GRM8: variants seen among roughly 807,000 people sequenced by gnomAD.
GRM8 encodes glutamate metabotropic receptor 8.
In GRM8, 47 loss-of-function variants were observed where a neutral mutation model predicts 87.2. That is an observed-to-expected ratio of 0.54 (90% CI 0.43 to 0.69). GRM8 has a LOEUF of 0.69. Among genes scored for constraint, GRM8 ranks in the 30% least tolerant of loss-of-function variants. The probability of loss-of-function intolerance (pLI) is 0.00; values close to 1 mark genes in which losing one functional copy is unlikely to be tolerated. For missense variants in GRM8, 1,019 were observed against 1,139.2 expected, an observed-to-expected ratio of 0.89 and a Z score of 1.52; for synonymous variants, 396 against 404.5, an observed-to-expected ratio of 0.98 and a Z score of 0.25.
intron 6 of GRM8, among the ~76,000 whole-genome samples, chr7:126,824,794 T>G (rs1794611197): frequency 6.6e-6 from 1 of 152,234 alleles, no homozygotes; most frequent in Admixed American, 6.5e-5. Context: ...GACTAATAAA[T>G]TTTTTGGAAT....
chr7:127,149,546 C>T (rs1828733733), intron 2 of GRM8, among the ~76,000 whole-genome samples: 1 of 152,074 alleles, frequency 6.6e-6, no homozygotes, highest in Admixed American at 6.6e-5. Flanking sequence ...TATGACCTAA[C>T]AATCCCTCTT....
intron 6 of GRM8, among the ~76,000 whole-genome samples, chr7:126,853,310 G>T (rs904481440): frequency 1.3e-5 from 2 of 152,038 alleles, no homozygotes; most frequent in Admixed American, 6.6e-5. Flanking sequence ...GATGGAGGTC[G>T]CAAGGTGTTT....
At chr7:126,575,441 C>T (rs908405347) in intron 8 of GRM8, among the ~76,000 whole-genome samples, 10 of 151,588 alleles carry the variant, frequency 6.6e-5, no homozygotes, top group African/African-American at 2.4e-4. Flanking sequence ...AGAAATAAAG[C>T]ACATAATAAA....
chr7:126,601,914 T>C (rs1797818962), intron 8 of GRM8, among the ~76,000 whole-genome samples: 1 of 139,702 alleles, frequency 7.2e-6, no homozygotes, highest in East Asian at 2.2e-4. Flanking sequence ...TTTCTTTTGC[T>C]GTGCAGAAGC....
intron 2 of GRM8, among the ~76,000 whole-genome samples, chr7:127,231,174 T>A (rs1323872613): frequency 1.3e-5 from 2 of 152,196 alleles, no homozygotes; most frequent in Non-Finnish European, 2.9e-5. Flanking sequence ...CTACCTGTAT[T>A]ACTAAGTTAC....
intron 3 of GRM8, among the ~76,000 whole-genome samples, chr7:126,950,201 T>C (rs1807982102): frequency 6.6e-6 from 1 of 152,208 alleles, no homozygotes; most frequent in African/African-American, 2.4e-5. Context: ...GCTTATTCAA[T>C]TTTGTTTCAC....
At chr7:126,985,060 G>A (rs1348909942) in intron 3 of GRM8, among the ~76,000 whole-genome samples, 1 of 151,894 alleles carries the variant, frequency 6.6e-6, no homozygotes, top group African/African-American at 2.4e-5. Flanking sequence ...TGAAGTAGAA[G>A]AAAAGCTTTT....
intron 2 of GRM8, among the ~76,000 whole-genome samples, chr7:127,115,409 A>G (rs1663954306): frequency 1.3e-5 from 2 of 152,238 alleles, no homozygotes; most frequent in Admixed American, 1.3e-4. Context: ...GAAAATCTAC[A>G]CTAAGACATT....
At chr7:127,048,880 G>C (rs922859179) in intron 3 of GRM8, among the ~76,000 whole-genome samples, 1 of 152,056 alleles carries the variant, frequency 6.6e-6, no homozygotes, top group Non-Finnish European at 1.5e-5. Flanking sequence ...AAACTAGTTG[G>C]ATGCTATAGT....
chr7:127,125,148 T>A (rs1272630226), intron 2 of GRM8, among the ~76,000 whole-genome samples: 1 of 152,090 alleles, frequency 6.6e-6, no homozygotes, highest in Non-Finnish European at 1.5e-5. Context: ...AAAATTTGTA[T>A]GGAAATGCAA....
At chr7:126,959,231 A>T (rs1021848455) in intron 3 of GRM8, among the ~76,000 whole-genome samples, 1 of 152,216 alleles carries the variant, frequency 6.6e-6, no homozygotes, top group Non-Finnish European at 1.5e-5. Context: ...CAATAATAAG[A>T]GGCAATAAGG....
At chr7:127,076,483 C>T (rs1017702890) in intron 3 of GRM8, among the ~76,000 whole-genome samples, 10 of 152,192 alleles carry the variant, frequency 6.6e-5, no homozygotes, top group African/African-American at 2.4e-4. Flanking sequence ...TGGGATGAGG[C>T]AGGAAGCTGC....
intron 8 of GRM8, among the ~76,000 whole-genome samples, chr7:126,607,226 G>A (rs1359025847): frequency 6.6e-6 from 1 of 152,208 alleles, no homozygotes; most frequent in East Asian, 1.9e-4. Flanking sequence ...AAGATTTCAT[G>A]AAGCACCTAG....
At position 126,796,551 on chromosome 7, in the gene GRM8, T is replaced by C. The variant is rs1441006326; in HGVS notation, c.1157-26486A>G. ...AAACTATTTCTCACTAATATAATGA[T>C]AGGGGAGTGGCTCATAGGAACCTGG... On this transcript the variant is annotated intron_variant, in intron 6 of 10. Coordinates refer to ENST00000339582, the MANE Select transcript of GRM8 (RefSeq NM_000845.3). 2.6e-5 allele frequency among the ~76,000 whole-genome samples: 4 copies of C among 152,038 alleles called. No individual in the cohort carries two copies. In the East Asian group the frequency reaches 5.8e-4, roughly 22 times the overall value.
chr7:127,071,001 C>T (rs1821629716), intron 3 of GRM8, among the ~76,000 whole-genome samples: 1 of 152,030 alleles, frequency 6.6e-6, no homozygotes, highest in Admixed American at 6.6e-5. Context: ...AGAATAGGTA[C>T]CTTCGTTTTA....
intron 2 of GRM8, among the ~76,000 whole-genome samples, chr7:127,203,778 G>C (rs1175879122): frequency 6.6e-6 from 1 of 151,672 alleles, no homozygotes; most frequent in African/African-American, 2.4e-5. Flanking sequence ...CAAAAAAAAG[G>C]GGGGTGAGGC....
intron 3 of GRM8, among the ~76,000 whole-genome samples, chr7:127,071,255 C>T (rs113326305): frequency 0.011 from 1,699 of 152,220 alleles, 27 homozygotes; most frequent in African/African-American, 0.038. Flanking sequence ...CTTCAAAAAA[C>T]GGAATCACAA....
intron 7 of GRM8, among the ~76,000 whole-genome samples, chr7:126,641,455 G>T (rs545382311): frequency 4.6e-5 from 7 of 152,060 alleles, no homozygotes; most frequent in Non-Finnish European, 7.4e-5. Flanking sequence ...TCAAAATAAA[G>T]AAAAAAATAG....
chr7:126,571,540 A>G (rs1322807349), intron 8 of GRM8, among the ~76,000 whole-genome samples: 6 of 152,156 alleles, frequency 3.9e-5, no homozygotes, highest in Non-Finnish European at 4.4e-5. Context: ...TTCTGGGAAT[A>G]GTAAGATTTC....
Sources: gnomAD v4.1 joint callset for allele counts (sites outside exome capture counted in the v4.1 genomes callset) on GRCh38, gnomAD v4.1.1 for gene constraint, MANE v1.5 for transcripts, NCBI Gene and HGNC (gene_info 2026-07-23, HGNC 2026-07-21) for gene names.